The following RSRC1 variants were observed in gnomAD, a reference collection of about 807,000 sequenced individuals.
RSRC1 encodes serine/Arginine-related protein 53.
In RSRC1, 39 loss-of-function variants were observed where a neutral mutation model predicts 49.1. The observed-to-expected ratio is 0.79, with a 90% CI of 0.61 to 1.04. The LOEUF is 1.04. Among genes scored for constraint, RSRC1 ranks in the 50% least tolerant of loss-of-function variants. The pLI is 0.00. For missense variants in RSRC1, 388 were observed against 402.4 expected (o/e 0.96, Z 0.31); for synonymous variants, 143 against 130.8 (o/e 1.09, Z -0.63).
rs557296306 is a variant in RSRC1, at chr3:158,139,466, C to G, written c.320+15475C>G. 2.6e-5 allele frequency among the ~76,000 whole-genome samples: 4 copies of G among 152,174 alleles called. No individual in the cohort carries two copies. The South Asian group carries it at 6.2e-4, about 24-fold the overall frequency. On this transcript the variant is annotated intron_variant, in intron 3 of 9. Transcript: ENST00000611884. ...TCTTGTGGGTGCTGCAAGCCTACAA[C>G]TACATCAGGAAGTGCAGATAGTACC...
chr3:158,326,297 T>C (rs1729134999), intron 5 of RSRC1, among the ~76,000 whole-genome samples: 1 of 152,220 alleles, frequency 6.6e-6, no homozygotes, highest in African/African-American at 2.4e-5. Flanking sequence ...AGGACATCCA[T>C]GTCTTGTGCC....
chr3:158,131,612 C>G (rs765011472), intron 3 of RSRC1, among the ~76,000 whole-genome samples: 22 of 152,260 alleles, frequency 1.4e-4, no homozygotes, highest in Non-Finnish European at 2.4e-4. Flanking sequence ...GCTGTTCACT[C>G]TCCGGGTTCT....
intron 6 of RSRC1, among the ~76,000 whole-genome samples, chr3:158,415,518 T>G (rs7632059): frequency 0.53 from 80,549 of 151,704 alleles, 21,962 homozygotes; most frequent in African/African-American, 0.65. Context: ...CGGTGCTTCA[T>G]TTTCCTCAGT....
Position 158,354,833 on chromosome 3 carries a change from A to AG in RSRC1, c.532-24_532-23insG, listed in dbSNP as rs760068831. On this transcript the variant is annotated intron_variant, in intron 5 of 9. Transcript: ENST00000611884. ...GACCTGTAAAAGTCTTGTATGGTTG[A>AG]ATTTTTTTTTTTTTCTTTTTTAGCC... 25 of 1,510,350 alleles carry AG rather than the reference A, an allele frequency of 1.7e-5. No individual in the cohort carries two copies. In the African/African-American group the frequency reaches 3.0e-4, roughly 18 times the overall value. The allele number at this position is 1,510,350 out of a possible 1,614,324, so 93.6% of individuals were successfully genotyped here.
At chr3:158,501,479 G>A (rs1739592440) in intron 7 of RSRC1, among the ~76,000 whole-genome samples, 1 of 152,120 alleles carries the variant, frequency 6.6e-6, no homozygotes, top group South Asian at 2.1e-4. Context: ...TACTATTATT[G>A]TGTTGCTGTC....
At chr3:158,237,912 A>G (rs1276461391) in intron 4 of RSRC1, among the ~76,000 whole-genome samples, 1 of 152,194 alleles carries the variant, frequency 6.6e-6, no homozygotes, top group Non-Finnish European at 1.5e-5. Flanking sequence ...GTTTTTGCTC[A>G]TTCAGTATGA....
intron 7 of RSRC1, among the ~76,000 whole-genome samples, chr3:158,520,635 T>G (rs1711603239): frequency 6.6e-6 from 1 of 152,214 alleles, no homozygotes; most frequent in African/African-American, 2.4e-5. Context: ...ATTGACCTCC[T>G]ATGTCCATCT....
chr3:158,120,787 T>C (rs557361433), intron 1 of RSRC1, among the ~76,000 whole-genome samples: 1 of 150,316 alleles, frequency 6.7e-6, no homozygotes, highest in Admixed American at 6.6e-5. Flanking sequence ...ATTTAACTTA[T>C]TTTGAATAAA....
intron 6 of RSRC1, among the ~76,000 whole-genome samples, chr3:158,386,577 A>T (rs1732978065): frequency 6.6e-6 from 1 of 152,066 alleles, no homozygotes; most frequent in African/African-American, 2.4e-5. Flanking sequence ...CACTATTATT[A>T]TGAAACTAAG....
chr3:158,407,067 A>G (rs897663684), intron 6 of RSRC1, among the ~76,000 whole-genome samples: 2 of 152,144 alleles, frequency 1.3e-5, no homozygotes, highest in African/African-American at 4.8e-5. Flanking sequence ...TGACCTATTC[A>G]CAACAGATCC....
chr3:158,290,554 C>T (rs1345715705), intron 4 of RSRC1, among the ~76,000 whole-genome samples: 1 of 152,088 alleles, frequency 6.6e-6, no homozygotes, highest in Non-Finnish European at 1.5e-5. Flanking sequence ...GGATTACAGG[C>T]GTCAGCCACC....
At chr3:158,300,216 AG>A (rs749473044) in intron 5 of RSRC1, among the ~76,000 whole-genome samples, 30 of 152,334 alleles carry the variant, frequency 2.0e-4, no homozygotes, top group Admixed American at 1.2e-3. Flanking sequence ...AGCCAGGACT[AG>A]CATACAGTTA....
chr3:158,483,379 CTTTA>C (rs947107459), intron 7 of RSRC1, among the ~76,000 whole-genome samples: 3 of 151,962 alleles, frequency 2.0e-5, no homozygotes, highest in African/African-American at 7.2e-5. Context: ...AAAGCAGATA[CTTTA>C]TTTAAACAAC....
At chr3:158,197,375 A>C (rs1025103731) in intron 3 of RSRC1, among the ~76,000 whole-genome samples, 2 of 151,848 alleles carry the variant, frequency 1.3e-5, no homozygotes, top group Non-Finnish European at 2.9e-5. Context: ...TATTGCGTCT[A>C]TTGGATTCTT....
At chr3:158,425,762 T>C (rs1159885668) in intron 6 of RSRC1, among the ~76,000 whole-genome samples, 13 of 152,016 alleles carry the variant, frequency 8.6e-5, no homozygotes, top group Non-Finnish European at 1.9e-4. Context: ...TGAATCTGGG[T>C]GCTCCTTTAT....
chr3:158,225,240 G>A (rs1722463874), intron 4 of RSRC1, among the ~76,000 whole-genome samples: 1 of 151,752 alleles, frequency 6.6e-6, no homozygotes, highest in Non-Finnish European at 1.5e-5. Flanking sequence ...TAGCTAGCAG[G>A]GTGAGATTTT....
chr3:158,170,226 T>C (rs1718792459), intron 3 of RSRC1, among the ~76,000 whole-genome samples: 1 of 152,116 alleles, frequency 6.6e-6, no homozygotes, highest in Non-Finnish European at 1.5e-5. Flanking sequence ...TTGCAAAACT[T>C]GAAGCCAGAT....
At chr3:158,312,567 A>G (rs997020852) in intron 5 of RSRC1, among the ~76,000 whole-genome samples, 10 of 152,198 alleles carry the variant, frequency 6.6e-5, no homozygotes, top group African/African-American at 2.4e-4. Context: ...GCAGAGTGCT[A>G]TGAAAGAATA....
At chr3:158,347,119 T>TC (rs1204552274) in intron 5 of RSRC1, among the ~76,000 whole-genome samples, 6 of 152,224 alleles carry the variant, frequency 3.9e-5, no homozygotes, top group Non-Finnish European at 8.8e-5. Flanking sequence ...AATGTAGACA[T>TC]TTTAGTAAAT....
Sources: gnomAD v4.1 joint callset for allele counts (sites outside exome capture counted in the v4.1 genomes callset) on GRCh38, gnomAD v4.1.1 for gene constraint, MANE v1.5 for transcripts, NCBI Gene and HGNC (gene_info 2026-07-23, HGNC 2026-07-21) for gene names.